The following ZRANB1 variants were observed in gnomAD, a reference collection of about 807,000 sequenced individuals.
ZRANB1 encodes zinc finger RANBP2-type containing 1.
A neutral mutation model predicts 80.5 loss-of-function variants in ZRANB1; 16 were observed. That is an observed-to-expected ratio of 0.20 (90% CI 0.13 to 0.30). The LOEUF (loss-of-function observed/expected upper bound fraction) is 0.30, where lower values mean the gene tolerates loss of function less well. Among genes scored for constraint, ZRANB1 ranks in the 10% least tolerant of loss-of-function variants. The pLI is 1.00. For synonymous variants in ZRANB1, 291 were observed against 293.1 expected, an observed-to-expected ratio of 0.99 and a Z score of 0.07; for missense variants, 576 against 862.6, an observed-to-expected ratio of 0.67 and a Z score of 4.16.
the ZRANB1 span, chr10:124,917,011 C>T: frequency 2.6e-5 from 4 of 152,552 alleles, no homozygotes; most frequent in African/African-American, 9.7e-5. Flanking sequence ...CCTCTCTGCT[C>T]CTCTCCCCCG....
the ZRANB1 span, among the ~76,000 whole-genome samples, chr10:124,920,246 T>A: frequency 6.6e-6 from 1 of 152,230 alleles, no homozygotes; most frequent in African/African-American, 2.4e-5. Flanking sequence ...AGTTTTATTA[T>A]ATGGGCATTG....
the ZRANB1 span, among the ~76,000 whole-genome samples, chr10:124,923,919 G>A: frequency 5.1e-3 from 775 of 150,954 alleles, 24 homozygotes; most frequent in African/African-American, 0.018. Flanking sequence ...ACTGGGCAAA[G>A]TAGCAAGACC....
chr10:124,970,221 T>G (rs1415897331), intron 2 of ZRANB1, among the ~76,000 whole-genome samples: 1 of 152,176 alleles, frequency 6.6e-6, no homozygotes, highest in African/African-American at 2.4e-5. Context: ...TCTTGGCCAA[T>G]AAAGTCTAGT....
intron 1 of ZRANB1, among the ~76,000 whole-genome samples, chr10:124,956,759 A>C (rs1401986797): frequency 6.6e-6 from 1 of 152,168 alleles, no homozygotes; most frequent in African/African-American, 2.4e-5. Flanking sequence ...GGCATGAACC[A>C]CCATGCCTGG....
chr10:124,931,375 T>G, the ZRANB1 span, among the ~76,000 whole-genome samples: 26 of 152,066 alleles, frequency 1.7e-4, no homozygotes, highest in African/African-American at 6.3e-4. Context: ...TACTCTCCGT[T>G]ATTATTATTT....
At chr10:124,939,337 A>G (rs1175866398), upstream of ZRANB1, among the ~76,000 whole-genome samples, 1 of 152,030 alleles carries the variant, frequency 6.6e-6, no homozygotes, top group Non-Finnish European at 1.5e-5. Context: ...CTTATTATCT[A>G]ATATAAGGCA....
rs117222559 is a variant in ZRANB1, at chr10:124,973,464, G to C, written c.1157-181G>C. Among the ~76,000 whole-genome samples, 42 of 152,292 alleles carry C rather than the reference G, an allele frequency of 2.8e-4. 2 individuals are homozygous for C. In the East Asian group the frequency reaches 7.9e-3, roughly 29 times the overall value. On this transcript the variant is annotated intron_variant, in intron 3 of 8. Coordinates refer to ENST00000359653, the MANE Select transcript of ZRANB1 (RefSeq NM_017580.3). ...GAGCCATTGCACCCGGCCCAGAAAA[G>C]AAATATTTTATATCACACATGTTAC...
In ZRANB1 at chr10:124,979,895, TTA is replaced by T. The variant is rs1417985676; in HGVS notation, c.1428-1812_1428-1811del. ...GATTTATTTTTCCACTGGGCTATCG[TTA>T]TGTCATTACCAGACTGTCTGGATGA... On this transcript the variant is annotated intron_variant, in intron 5 of 8. Coordinates refer to ENST00000359653, the MANE Select transcript of ZRANB1 (RefSeq NM_017580.3). 2.0e-5 allele frequency among the ~76,000 whole-genome samples: 3 copies of T among 152,376 alleles called. No homozygotes were observed. The East Asian group carries it at 5.8e-4, about 29-fold the overall frequency.
chr10:124,933,022 T>G, the ZRANB1 span, among the ~76,000 whole-genome samples: 1 of 152,200 alleles, frequency 6.6e-6, no homozygotes, highest in Non-Finnish European at 1.5e-5. Context: ...CACTTATCTT[T>G]TGCAAATTTT....
chr10:124,986,739 TTCTC>T lies in ZRANB1; in HGVS notation c.*1749_*1752del. On this transcript the variant is annotated 3_prime_UTR_variant, in exon 9 of 9. Transcript: ENST00000359653. ...CTGACTACTTAGCATCTGTAGTAAT[TTCTC>T]TATGTATAGGGATAATTTTTTAGTG... 1 of 152,350 alleles carries T rather than the reference TTCTC, an allele frequency of 6.6e-6. No homozygotes were observed. The highest frequency in any genetic ancestry group is 3.4e-3 in the Middle Eastern group (1 of 294). The allele number at this position is 152,350 out of a possible 1,614,324, so 9.4% of individuals were successfully genotyped here.
intron 1 of ZRANB1, among the ~76,000 whole-genome samples, chr10:124,961,307 G>C (rs868118400): frequency 1.3e-5 from 2 of 152,070 alleles, no homozygotes; most frequent in Non-Finnish European, 2.9e-5. Flanking sequence ...AGCCCAGCTG[G>C]AACCTAAGAT....
At chr10:124,967,711 G>A (rs1951787983) in intron 2 of ZRANB1, among the ~76,000 whole-genome samples, 1 of 152,058 alleles carries the variant, frequency 6.6e-6, no homozygotes, top group Non-Finnish European at 1.5e-5. Flanking sequence ...TGGGAAGAGG[G>A]TTAGAGGGTT....
chr10:124,934,757 C>G, the ZRANB1 span, among the ~76,000 whole-genome samples: 1 of 152,108 alleles, frequency 6.6e-6, no homozygotes, highest in Non-Finnish European at 1.5e-5. Flanking sequence ...CTTGGAGATA[C>G]AAATTTTTAA....
At chr10:124,973,903 C>G (rs774946909) in intron 4 of ZRANB1, among the ~76,000 whole-genome samples, 187 bp downstream of exon 4, 2 of 152,080 alleles carry the variant, frequency 1.3e-5, no homozygotes, top group African/African-American at 4.8e-5. Flanking sequence ...AATAAAGATA[C>G]AAAAATTTTA....
At chr10:124,932,142 G>A in the ZRANB1 span, among the ~76,000 whole-genome samples, 1 of 152,138 alleles carries the variant, frequency 6.6e-6, no homozygotes, top group Non-Finnish European at 1.5e-5. Context: ...TAGCTTTATA[G>A]CCCATTTGTT....
At position 124,942,596 on chromosome 10, in the gene ZRANB1, A is replaced by G. The variant is rs1951545912; in HGVS notation, c.103A>G (p.Thr35Ala). The G allele has an allele frequency of 1.9e-6, 3 of 1,614,214 alleles. No homozygotes were observed. The highest frequency in any genetic ancestry group is 2.5e-6 in the Non-Finnish European group (3 of 1,180,030). Residue 35 changes from threonine (T) to alanine (A), a missense_variant, in exon 1 of 9, where the codon ACA (threonine) becomes GCA (alanine). By Grantham distance (58) the Thr-to-Ala change is moderately conservative (BLOSUM62 0). Around this residue, in one of 3 missense-constraint regions of ZRANB1, gnomAD observed 411 missense variants for 583.1 expected, o/e 0.70. Coordinates refer to ENST00000359653, the MANE Select transcript of ZRANB1 (RefSeq NM_017580.3). The stretch of plus-strand genomic sequence containing the variant: ...GTGTCGTGCCCAAAGACCTAGTGGA[A>G]CAATTATTACAGAAGATCCATTTAA... ...TMCRAQRPSG[T>A]IITEDPFKSG...
intron 1 of ZRANB1, among the ~76,000 whole-genome samples, chr10:124,949,385 A>C (rs1369773784): frequency 1.3e-5 from 2 of 151,972 alleles, no homozygotes; most frequent in Non-Finnish European, 2.9e-5. Flanking sequence ...AAACTTAAGT[A>C]ACAAGTTCAC....
intron 5 of ZRANB1, among the ~76,000 whole-genome samples, chr10:124,980,730 C>T (rs1951924305): frequency 6.6e-6 from 1 of 152,174 alleles, no homozygotes; most frequent in African/African-American, 2.4e-5. Context: ...AGGAGCCCTT[C>T]ATTAAATTAC....
chr10:124,934,842 AGAG>A, the ZRANB1 span, among the ~76,000 whole-genome samples: 2 of 152,222 alleles, frequency 1.3e-5, no homozygotes, highest in South Asian at 2.1e-4. Context: ...GTTAGAGAGA[AGAG>A]GACCAAAGCT....
Sources: gnomAD v4.1 joint callset for allele counts (sites outside exome capture counted in the v4.1 genomes callset) on GRCh38, gnomAD v4.1.1 for gene constraint, gnomAD v4.1.1 regional missense constraint, MANE v1.5 for transcripts, NCBI Gene and HGNC (gene_info 2026-07-23, HGNC 2026-07-21) for gene names.